The following ARHGAP15 variants were observed in gnomAD, a reference collection of about 807,000 sequenced individuals.
The protein encoded by ARHGAP15 is Rho GTPase activating protein 15, also known as rho GTPase-activating protein 15.
A neutral mutation model predicts 63.7 loss-of-function variants in ARHGAP15; 51 were observed. That is an observed-to-expected ratio of 0.80 (90% confidence interval 0.64 to 1.01). The LOEUF is 1.01. Ranked by LOEUF, ARHGAP15 falls within the 50% of genes least tolerant of loss-of-function variation. ARHGAP15 has a pLI of 0.00. For missense variants in ARHGAP15, 560 were observed against 564.6 expected, an observed-to-expected ratio of 0.99 and a Z score of 0.08; for synonymous variants, 191 against 193.8, an observed-to-expected ratio of 0.99 and a Z score of 0.12.
chr2:143,767,246 T>A (rs72861328), intron 13 of ARHGAP15, among the ~76,000 whole-genome samples: 1 of 152,198 alleles, frequency 6.6e-6, no homozygotes, highest in Non-Finnish European at 1.5e-5. Context: ...ATTTTCTTTT[T>A]AGGAGTCCTG....
intron 11 of ARHGAP15, among the ~76,000 whole-genome samples, chr2:143,580,901 G>A (rs1192095570): frequency 6.6e-6 from 1 of 152,130 alleles, no homozygotes; most frequent in Non-Finnish European, 1.5e-5. Context: ...AATAATGGAT[G>A]TTTAATAATG....
intron 9 of ARHGAP15, among the ~76,000 whole-genome samples, chr2:143,509,591 T>C (rs1005995229): frequency 2.0e-5 from 3 of 152,150 alleles, no homozygotes; most frequent in African/African-American, 7.2e-5. Context: ...CCATAACCTA[T>C]AGCACTAACA....
At chr2:143,236,033 A>T in intron 5 of ARHGAP15, 1 of 1,525,148 alleles carries the variant, frequency 6.6e-7, no homozygotes, top group Non-Finnish European at 8.8e-7. Context: ...AACCCATTTG[A>T]TGGATTGCAT....
At chr2:143,153,829 T>TC (rs1361753863) in intron 1 of ARHGAP15, among the ~76,000 whole-genome samples, 67 of 84,336 alleles carry the variant, frequency 7.9e-4, no homozygotes, top group Non-Finnish European at 9.6e-4. Flanking sequence ...TTCTTCTTCT[T>TC]CTTCTTCTTC....
chr2:143,679,426 GT>G (rs1054078541), intron 12 of ARHGAP15, among the ~76,000 whole-genome samples: 7 of 152,130 alleles, frequency 4.6e-5, no homozygotes, highest in African/African-American at 1.2e-4. Context: ...ATATTGCAAA[GT>G]TTATTAGCTC....
intron 2 of ARHGAP15, among the ~76,000 whole-genome samples, chr2:143,177,781 C>T (rs551058005): frequency 1.3e-5 from 2 of 152,154 alleles, no homozygotes; most frequent in Admixed American, 6.5e-5. Context: ...AAGAGATTTC[C>T]TGCTGTCTTC....
chr2:143,151,059 GAAT>G (rs1689793773), intron 1 of ARHGAP15, among the ~76,000 whole-genome samples: 1 of 151,964 alleles, frequency 6.6e-6, no homozygotes, highest in Admixed American at 6.6e-5. Flanking sequence ...AATATTTTTG[GAAT>G]AATAATGCAG....
At chr2:143,212,972 C>A (rs1051341358) in intron 3 of ARHGAP15, among the ~76,000 whole-genome samples, 20 of 152,116 alleles carry the variant, frequency 1.3e-4, no homozygotes, top group Admixed American at 2.0e-4. Context: ...GAATTTTCTA[C>A]CCAGGCTAAA....
chr2:143,162,614 A>G lies in ARHGAP15; in HGVS notation c.165+6959A>G, dbSNP rs73962354. 2.4e-3 allele frequency: 370 copies of G among 152,156 alleles called. 2 individuals are homozygous for G. The highest frequency in any genetic ancestry group is 8.3e-3 in the African/African-American group (345 of 41,552). The allele number at this position is 152,156 out of a possible 1,614,324, so 9.4% of individuals were successfully genotyped here. ...CTGATGTTCATAATCAGTAATCTAA[A>G]AGTGTACCTTCTAATTAAAAAAGGT... is the stretch of plus-strand genomic sequence containing the variant. On this transcript the variant is annotated intron_variant, in intron 2 of 13. Coordinates refer to ENST00000295095, the MANE Select transcript of ARHGAP15 (RefSeq NM_018460.4).
intron 6 of ARHGAP15, among the ~76,000 whole-genome samples, chr2:143,270,823 T>C (rs1423420429): frequency 6.6e-6 from 1 of 152,228 alleles, no homozygotes; most frequent in Non-Finnish European, 1.5e-5. Context: ...TTGGCTTTTG[T>C]AAGTAACCTC....
At chr2:143,610,805 T>C (rs1355557020) in intron 11 of ARHGAP15, among the ~76,000 whole-genome samples, 1 of 151,096 alleles carries the variant, frequency 6.6e-6, no homozygotes, top group Non-Finnish European at 1.5e-5. Context: ...CTCGGCTCAC[T>C]GCAGCCTCTG....
At chr2:143,669,982 G>A (rs529896761) in intron 12 of ARHGAP15, among the ~76,000 whole-genome samples, 1 of 152,306 alleles carries the variant, frequency 6.6e-6, no homozygotes, top group South Asian at 2.1e-4. Flanking sequence ...TGTTCAAGCT[G>A]TGTGTGCAAG....
intron 6 of ARHGAP15, among the ~76,000 whole-genome samples, chr2:143,288,200 C>T (rs1444917049): frequency 6.6e-6 from 1 of 152,120 alleles, no homozygotes; most frequent in Non-Finnish European, 1.5e-5. Flanking sequence ...AGGCCATAGG[C>T]CACAGGGAGA....
chr2:143,296,825 C>A (rs1233811233), intron 6 of ARHGAP15, among the ~76,000 whole-genome samples: 1 of 151,924 alleles, frequency 6.6e-6, no homozygotes, highest in Non-Finnish European at 1.5e-5. Context: ...TCTCCCCTCT[C>A]CCCTCAAGTA....
At chr2:143,277,233 ATTT>A (rs533137436) in intron 6 of ARHGAP15, among the ~76,000 whole-genome samples, 49 of 151,122 alleles carry the variant, frequency 3.2e-4, no homozygotes, top group Admixed American at 1.6e-3. Flanking sequence ...AAAGTCGTTT[ATTT>A]TTCATTTGTT....
At position 143,540,394 on chromosome 2, in the gene ARHGAP15, G is replaced by C. The variant is rs146742353; in HGVS notation, c.926-16014G>C. ...CCCATTTACATTTAAGGTTAGTATTGTTATGTGTGAATTTGATCCTGTCAT... is the reference window on the plus strand; with the variant it reads ...CCCATTTACATTTAAGGTTAGTATTCTTATGTGTGAATTTGATCCTGTCAT... On this transcript the variant is annotated intron_variant, in intron 10 of 13. Coordinates refer to ENST00000295095, the MANE Select transcript of ARHGAP15 (RefSeq NM_018460.4). Among the ~76,000 whole-genome samples the C allele has an allele frequency of 6.2e-3, 947 of 152,224 alleles. 7 individuals are homozygous for C. Among genetic ancestry groups the C allele is most frequent in the South Asian group, 0.019 (93 of 4,824 alleles).
At chr2:143,516,893 C>G (rs899925113) in intron 9 of ARHGAP15, among the ~76,000 whole-genome samples, 3 of 152,140 alleles carry the variant, frequency 2.0e-5, no homozygotes, top group Admixed American at 6.5e-5. Context: ...GAGCTTCTTT[C>G]TGTTACTTGG....
rs1478408120 is a variant in ARHGAP15, at chr2:143,666,865, A to G, written c.1139-36554A>G. 1.3e-5 allele frequency among the ~76,000 whole-genome samples: 2 copies of G among 149,066 alleles called. 1 individual carries two copies. The highest frequency in any genetic ancestry group is 5.2e-5 in the African/African-American group (2 of 38,674). ...CAGAGAAATGCAAATCTAAACCGCA[A>G]TGAGATACCATCTCACACCAGTTAG... On this transcript the variant is annotated intron_variant, in intron 12 of 13. Transcript: ENST00000295095.
rs1558773730 is a variant in ARHGAP15, at chr2:143,145,837, GGGGT to G, written c.-14-9638_-14-9635del. 3.1e-5 allele frequency among the ~76,000 whole-genome samples: 3 copies of G among 96,724 alleles called. No homozygotes were observed. In the South Asian group the frequency reaches 1.3e-3, roughly 41 times the overall value. The allele number at this position is 96,724 out of a possible 152,430, so 63.5% of individuals were successfully genotyped here. ...GGTCCTTCCAATTTATATATGTATA[GGGGT>G]GTGTGTGTGTGTGTGTGTGTGTGTG... On this transcript the variant is annotated intron_variant, in intron 1 of 13. Transcript: ENST00000295095.
Sources: gnomAD v4.1 joint callset for allele counts (sites outside exome capture counted in the v4.1 genomes callset) on GRCh38, gnomAD v4.1.1 for gene constraint, MANE v1.5 for transcripts, NCBI Gene and HGNC (gene_info 2026-07-23, HGNC 2026-07-21) for gene names.